RXFP2: variants seen among roughly 807,000 people sequenced by gnomAD.
The protein encoded by RXFP2 is relaxin family peptide receptor 2.
In RXFP2, 68 loss-of-function variants were observed where a neutral mutation model predicts 88.6. The observed-to-expected ratio is 0.77, with a 90% CI of 0.63 to 0.94. The LOEUF (loss-of-function observed/expected upper bound fraction) is 0.94, where lower values mean the gene tolerates loss of function less well. Among genes scored for constraint, RXFP2 ranks in the 40% least tolerant of loss-of-function variants. The pLI, the probability that RXFP2 is intolerant of heterozygous loss-of-function variation, is 0.00. For missense variants in RXFP2, 791 were observed against 893.9 expected (o/e 0.88, Z 1.47); for synonymous variants, 329 against 306.8 (o/e 1.07, Z -0.76).
chr13:31,757,637 G>T (rs1021654750), intron 1 of RXFP2, among the ~76,000 whole-genome samples: 2 of 152,130 alleles, frequency 1.3e-5, no homozygotes, highest in African/African-American at 4.8e-5. Context: ...TTAGCTCATG[G>T]TTTTACCTTT....
chr13:31,775,924 T>G (rs572092997), intron 7 of RXFP2, among the ~76,000 whole-genome samples: 126 of 152,356 alleles, frequency 8.3e-4, no homozygotes, highest in African/African-American at 2.8e-3. Flanking sequence ...CTGTATTGTT[T>G]GCCCATTTTC....
At chr13:31,782,055 G>T (rs1873307609) in intron 10 of RXFP2, among the ~76,000 whole-genome samples, 1 of 151,934 alleles carries the variant, frequency 6.6e-6, no homozygotes, top group African/African-American at 2.4e-5. Context: ...ATGTGAAAGG[G>T]GTTAGCTGTA....
chr13:31,774,647 C>T lies in RXFP2; in HGVS notation c.525C>T (p.His175=), dbSNP rs1163971193. 4.5e-6 allele frequency: 7 copies of T among 1,561,090 alleles called. No homozygotes were observed. Among genetic ancestry groups the T allele is most frequent in the Non-Finnish European group, 6.2e-6 (7 of 1,131,860 alleles). Residue 175 remains histidine (H), a synonymous_variant, in exon 6 of 18, where the codon CAC becomes CAT. Transcript: ENST00000298386. ...KIFLQHNCIR[H]ISRKAFFGLC... is the part of the protein sequence containing the mutation. ...TTCTTCAGCATAATTGCATTAGACA[C>T]ATATCCAGGAAAGCATTTTTTGGAT...
intron 1 of RXFP2, among the ~76,000 whole-genome samples, chr13:31,752,471 C>T (rs150704458): frequency 5.9e-5 from 9 of 152,056 alleles, no homozygotes; most frequent in African/African-American, 1.7e-4. Flanking sequence ...CTGAATATAA[C>T]GATTGATGTG....
intron 9 of RXFP2, among the ~76,000 whole-genome samples, chr13:31,778,913 C>T (rs1376264704): frequency 1.3e-5 from 2 of 152,072 alleles, no homozygotes; most frequent in East Asian, 1.9e-4. Context: ...AATCTTGCTC[C>T]CTTATTCTTT....
In RXFP2 at chr13:31,787,523, G is replaced by A. The variant is rs900998694; in HGVS notation, c.1073+886G>A. ...TTTGCTTACCGCATACTGCATTTCT[G>A]AAAGCCAAAATACCAAGTCACTACA... On this transcript the variant is annotated intron_variant, in intron 13 of 17. Transcript: ENST00000298386. Among the ~76,000 whole-genome samples the A allele has an allele frequency of 5.9e-5, 9 of 152,334 alleles. 1 individual carries two copies. The highest frequency in any genetic ancestry group is 5.9e-4 in the Admixed American group (9 of 15,310).
chr13:31,740,447 T>C (rs560665000), intron 1 of RXFP2, among the ~76,000 whole-genome samples: 13 of 152,182 alleles, frequency 8.5e-5, no homozygotes, highest in African/African-American at 3.1e-4. Context: ...TATTCAAAAA[T>C]GTTTCTATTT....
At chr13:31,764,680 AT>A (rs2138415378) in intron 3 of RXFP2, among the ~76,000 whole-genome samples, 1 of 149,792 alleles carries the variant, frequency 6.7e-6, no homozygotes, top group South Asian at 2.1e-4. Flanking sequence ...ATTCAAATGA[AT>A]TGACTCAGTC....
At chr13:31,754,139 G>C (rs1871810911) in intron 1 of RXFP2, among the ~76,000 whole-genome samples, 1 of 152,196 alleles carries the variant, frequency 6.6e-6, no homozygotes, top group African/African-American at 2.4e-5. Context: ...AAACCATCTT[G>C]ATGCCTTTTA....
intron 11 of RXFP2, among the ~76,000 whole-genome samples, chr13:31,784,454 C>T (rs538810977): frequency 1.3e-5 from 2 of 152,246 alleles, no homozygotes; most frequent in East Asian, 3.9e-4. Flanking sequence ...TACTTGAGAC[C>T]CCCAAAGTCC....
chr13:31,782,792 G>C lies in RXFP2; in HGVS notation c.929+45G>C, dbSNP rs770447782. On this transcript the variant is annotated intron_variant, in intron 11 of 17. Transcript: ENST00000298386. ...AGGAAAATATGATTGCTTCTTCCGAGATTATAAATTTAAATGACTAGTGAG... is the reference window on the plus strand; with the variant it reads ...AGGAAAATATGATTGCTTCTTCCGACATTATAAATTTAAATGACTAGTGAG... The C allele has an allele frequency of 3.2e-6, 4 of 1,255,588 alleles. No individual in the cohort carries two copies. The South Asian group carries it at 4.8e-5, about 15-fold the overall frequency. The allele number at this position is 1,255,588 out of a possible 1,614,324, so 77.8% of individuals were successfully genotyped here.
chr13:31,743,891 A>C (rs7331773), intron 1 of RXFP2, among the ~76,000 whole-genome samples: 2,029 of 151,984 alleles, frequency 0.013, 48 homozygotes, highest in African/African-American at 0.044. Flanking sequence ...CATTCTCGGT[A>C]ACTCTCACAC....
chr13:31,787,904 G>A (rs746446570), intron 13 of RXFP2, among the ~76,000 whole-genome samples: 14 of 152,214 alleles, frequency 9.2e-5, no homozygotes, highest in East Asian at 1.9e-4. Context: ...GCCTCCCAAA[G>A]TGCTAGGATT....
At chr13:31,779,659 A>G (rs756776502) in intron 9 of RXFP2, among the ~76,000 whole-genome samples, 2 of 152,104 alleles carry the variant, frequency 1.3e-5, no homozygotes, top group South Asian at 2.1e-4. Context: ...TGTCATGTCT[A>G]TTGCTTTCCT....
intron 1 of RXFP2, among the ~76,000 whole-genome samples, chr13:31,742,296 C>T (rs1434395459): frequency 6.6e-6 from 1 of 152,182 alleles, no homozygotes; most frequent in Non-Finnish European, 1.5e-5. Context: ...TTGACTGCCC[C>T]CTAGTGGCCA....
At chr13:31,767,836 T>C (rs921592571) in intron 5 of RXFP2, among the ~76,000 whole-genome samples, 2 of 152,170 alleles carry the variant, frequency 1.3e-5, no homozygotes, top group Non-Finnish European at 1.5e-5. Context: ...GCACAGACTG[T>C]CCCACCCCAT....
At chr13:31,765,823 T>G (rs1872526066) in intron 4 of RXFP2, 133 bp from the exon 5 acceptor site, 1 of 628,356 alleles carries the variant, frequency 1.6e-6, no homozygotes, top group South Asian at 1.9e-5. Context: ...AAATTTTTAG[T>G]TATTGTCATG....
chr13:31,786,516 T>C (rs1873550672), intron 12 of RXFP2, 50 bp from the exon 13 acceptor site: 1 of 1,541,446 alleles, frequency 6.5e-7, no homozygotes, highest in African/African-American at 1.4e-5. Flanking sequence ...TTCAAAATAA[T>C]AATACCTTCA....
chr13:31,776,102 TTTTCTTTC>T (rs71099993), intron 7 of RXFP2, among the ~76,000 whole-genome samples: 177 of 109,902 alleles, frequency 1.6e-3, no homozygotes, highest in South Asian at 1.8e-3. Context: ...CTTTCTTTTC[TTTTCTTTC>T]TTTCTTTCTT....
Sources: allele counts gnomAD v4.1 joint callset (sites outside exome capture counted in the v4.1 genomes callset), GRCh38; gene constraint gnomAD v4.1.1; transcripts MANE v1.5; gene names NCBI Gene and HGNC (gene_info 2026-07-23, HGNC 2026-07-21).